Variants in CFAP74 observed in about 807,000 individuals in gnomAD.
The protein encoded by CFAP74 is cilia and flagella associated protein 74.
Under a neutral mutation model 188.9 loss-of-function variants are expected in CFAP74, and 124 were observed. That is an observed-to-expected ratio of 0.66 (90% CI 0.57 to 0.76). CFAP74 has a LOEUF of 0.76. CFAP74 is among the 30% of genes least tolerant of loss of function. CFAP74 has a pLI of 0.00. For synonymous variants in CFAP74, 956 were observed against 916.7 expected (o/e 1.04, Z -0.77); for missense variants, 2,198 against 2,165.2 (o/e 1.02, Z -0.30).
intron 27 of CFAP74, among the ~76,000 whole-genome samples, chr1:1,928,084 G>A (rs958689070): frequency 5.3e-5 from 8 of 152,250 alleles, no homozygotes; most frequent in Non-Finnish European, 7.3e-5. Flanking sequence ...TCGAGTGCAC[G>A]CCCAGGAGGA....
chr1:1,939,717 C>T lies in CFAP74; in HGVS notation c.2754G>A (p.Leu918=). 1.3e-6 allele frequency: 2 copies of T among 1,536,064 alleles called. No individual in the cohort carries two copies. Among genetic ancestry groups the T allele is most frequent in the Non-Finnish European group, 8.7e-7 (1 of 1,146,862 alleles). The part of the protein sequence containing the change: ...TVHAIVTTSD[L]ELSPSEVDFG... The stretch of plus-strand genomic sequence containing the variant: ...AATCCACCTCCGAGGGACTGAGCTC[C>T]AGGTCCGAGGTGGTGACAATGGCAT... Residue 918 remains leucine, a synonymous_variant, in exon 24 of 39, where the codon CTG becomes CTA. Transcript: ENST00000682832.
At chr1:1,998,867 ACTC>A (rs1305940825) in intron 1 of CFAP74, among the ~76,000 whole-genome samples, 2 of 152,148 alleles carry the variant, frequency 1.3e-5, no homozygotes, top group Non-Finnish European at 2.9e-5. Context: ...ACAGAGTGAG[ACTC>A]CGTCTCGAAA....
In CFAP74 at chr1:1,947,177, A is replaced by G. The variant is rs767015860; in HGVS notation, c.2177-123T>C. The G allele has an allele frequency of 1.7e-5, 13 of 766,728 alleles. 1 individual carries two copies. The highest frequency in any genetic ancestry group is 2.6e-5 in the Non-Finnish European group (12 of 464,848). 47.5% of individuals were successfully genotyped at this position (766,728 alleles called of 1,614,324 possible). A position where few individuals can be genotyped will look rare whatever the true frequency, so the allele number is the denominator to read the frequency against. On this transcript the variant is annotated intron_variant, in intron 18 of 38. Coordinates refer to ENST00000682832, the MANE Select transcript of CFAP74 (RefSeq NM_001304360.2). ...CCTGGGCTCTGTTCTTTCTGAACAT[A>G]GTGGAGCCATCCGTGTGGCCCCTTG...
intron 25 of CFAP74, 121 bp from the exon 26 acceptor site, chr1:1,930,457 T>C: frequency 6.3e-6 from 6 of 955,948 alleles, no homozygotes; most frequent in Non-Finnish European, 7.4e-6. Flanking sequence ...ACATGCACGT[T>C]CCTGCTGCCC....
At chr1:1,971,181 AC>A (rs1656000559) in intron 9 of CFAP74, among the ~76,000 whole-genome samples, 2 of 151,372 alleles carry the variant, frequency 1.3e-5, no homozygotes, top group East Asian at 2.0e-4. Flanking sequence ...ACCTGCACAC[AC>A]GTGCACAGAC....
chr1:1,938,862 T>G lies in CFAP74; in HGVS notation c.3004A>C (p.Ile1002Leu), dbSNP rs1250027199. The G allele has an allele frequency of 6.5e-7, 1 of 1,536,028 alleles. No homozygotes were observed. The highest frequency in any genetic ancestry group is 2.4e-5 in the East Asian group (1 of 40,928). ...TCTCCCTGGCAGGCTCACCGGTTGA[T>G]CTCAGACTTGCAGGTCAGTTGGAAT... The part of the protein sequence containing the change: ...HRFQLTCKSE[I>L]NRCFKLSCRA... The change falls in exon 25 of 39, where the codon ATC becomes CTC. Residue 1002 changes from isoleucine to leucine, a missense_variant. By Grantham distance (5) the Ile-to-Leu change is conservative. Transcript: ENST00000682832.
At chr1:1,932,014 T>C (rs367711131) in intron 25 of CFAP74, among the ~76,000 whole-genome samples, 36 of 130,986 alleles carry the variant, frequency 2.7e-4, no homozygotes, top group African/African-American at 6.3e-4. Flanking sequence ...TGCGGTGAGC[T>C]GAGATCGCCC....
At chr1:1,979,647 C>T (rs1224759613) in intron 6 of CFAP74, among the ~76,000 whole-genome samples, 1 of 107,800 alleles carries the variant, frequency 9.3e-6, no homozygotes, top group Admixed American at 8.9e-5. Context: ...GCGCAGAACA[C>T]GTGTGTCGTG....
chr1:1,981,728 A>G (rs1656875501), intron 6 of CFAP74, among the ~76,000 whole-genome samples: 17 of 129,628 alleles, frequency 1.3e-4, no homozygotes, highest in East Asian at 5.1e-4. Context: ...GCGGACAGAC[A>G]CGGGGGCACG....
chr1:1,967,811 A>T lies in CFAP74; in HGVS notation c.1245+824T>A, dbSNP rs571140600. On this transcript the variant is annotated intron_variant, in intron 11 of 38. Transcript: ENST00000682832. The stretch of plus-strand genomic sequence containing the variant: ...ACCCCACACCTTTAGGGAAAGGTAA[A>T]CTAGAAATACATTCCCCCAACTGAA... 3.3e-5 allele frequency among the ~76,000 whole-genome samples: 5 copies of T among 152,196 alleles called. No homozygotes were observed. The South Asian group carries it at 1.0e-3, about 31-fold the overall frequency.
intron 1 of CFAP74, among the ~76,000 whole-genome samples, chr1:1,995,471 G>A (rs1310384509): frequency 3.4e-5 from 5 of 148,022 alleles, no homozygotes; most frequent in South Asian, 2.2e-4. Context: ...CAGCCTGGGC[G>A]ACAGAATGAG....
At chr1:1,960,453 G>A (rs1376685747) in intron 14 of CFAP74, among the ~76,000 whole-genome samples, 1 of 152,260 alleles carries the variant, frequency 6.6e-6, no homozygotes, top group Non-Finnish European at 1.5e-5. Flanking sequence ...GGAACTGGGA[G>A]TCCTGAGACA....
intron 25 of CFAP74, among the ~76,000 whole-genome samples, chr1:1,938,558 TCACACA>T (rs370110560): frequency 6.6e-6 from 1 of 150,982 alleles, no homozygotes; most frequent in African/African-American, 2.4e-5. Context: ...GCACACACGT[TCACACA>T]CACACACAGG....
chr1:1,926,023 A>G (rs996473397), intron 32 of CFAP74, 85 bp from the exon 33 acceptor site: 45 of 1,458,102 alleles, frequency 3.1e-5, no homozygotes, highest in Admixed American at 4.7e-5. Flanking sequence ...TGGGTTCTCA[A>G]CGCTGGAGTT....
In CFAP74 at chr1:1,942,901, C is replaced by T. The variant is rs34916760; in HGVS notation, c.2487-745G>A. Among the ~76,000 whole-genome samples the T allele has an allele frequency of 0.045, 6,913 of 152,242 alleles. 250 individuals carry two copies. Among genetic ancestry groups the T allele is most frequent in the Non-Finnish European group, 0.068 (4,631 of 67,992 alleles). On this transcript the variant is annotated intron_variant, in intron 21 of 38. Transcript: ENST00000682832. The surrounding 1 kb of genome is among the most constrained non-coding windows in gnomAD (Gnocchi z 4.3). Reference sequence around the variant, plus strand: ...ATCTCCTCCCTCCTGTGCTTCCATGCGACAGTCACCCATGCTGTGGCAGCC... The same window carrying T: ...ATCTCCTCCCTCCTGTGCTTCCATGTGACAGTCACCCATGCTGTGGCAGCC...
chr1:1,948,937 T>TTCCTTCCCTTC (rs1558014945), intron 18 of CFAP74, among the ~76,000 whole-genome samples: 2 of 25,382 alleles, frequency 7.9e-5, no homozygotes, highest in African/African-American at 1.6e-4. Context: ...TCCTCTTTCC[T>TTCCTTCCCTTC]CCCTTCCTTT....
At chr1:1,938,760 G>A (rs1653134161) in intron 25 of CFAP74, 95 bp downstream of exon 25, 2 of 1,387,666 alleles carry the variant, frequency 1.4e-6, no homozygotes, top group Non-Finnish European at 9.7e-7. Context: ...CAGGCAGATG[G>A]GGTCAGGGGC....
At position 1,933,600 on chromosome 1, in the gene CFAP74, C is replaced by T. The variant is rs565717730; in HGVS notation, c.3012-3264G>A. On this transcript the variant is annotated intron_variant, in intron 25 of 38. Transcript: ENST00000682832. ...GATGTTCATCATGTTCTCTTCTTAT[C>T]GCTTTGATATTTGTTAGGGTCTGTG... Among the ~76,000 whole-genome samples the T allele has an allele frequency of 3.3e-5, 5 of 152,274 alleles. No individual in the cohort carries two copies. The East Asian group carries it at 5.8e-4, about 18-fold the overall frequency.
chr1:1,996,061 T>A (rs1201864683), intron 1 of CFAP74, among the ~76,000 whole-genome samples: 6 of 152,116 alleles, frequency 3.9e-5, no homozygotes. Flanking sequence ...CTCGGCTCAC[T>A]GCAACCTCTG....
Sources: allele counts gnomAD v4.1 joint callset (sites outside exome capture counted in the v4.1 genomes callset), GRCh38; gene constraint gnomAD v4.1.1; non-coding constraint Gnocchi (gnomAD v3.1); transcripts MANE v1.5; gene names NCBI Gene and HGNC (gene_info 2026-07-23, HGNC 2026-07-21).